The following FBXW2 variants were observed in gnomAD, a reference collection of about 807,000 sequenced individuals.
FBXW2 encodes the protein F-box and WD repeat domain containing 2.
Under a neutral mutation model 46.0 loss-of-function variants are expected in FBXW2, and 12 were observed. The observed-to-expected ratio is 0.26, with a 90% CI of 0.17 to 0.42. The LOEUF (loss-of-function observed/expected upper bound fraction) is 0.42. Among genes scored for constraint, FBXW2 ranks in the 10% least tolerant of loss-of-function variants. The probability of loss-of-function intolerance (pLI) is 1.00; values close to 1 mark genes in which losing one functional copy is unlikely to be tolerated. For synonymous variants in FBXW2, 203 were observed against 209.6 expected (o/e 0.97, Z 0.27); for missense variants, 360 against 537.0 (o/e 0.67, Z 3.26).
chr9:120,778,486 T>C lies in FBXW2; in HGVS notation c.550A>G (p.Ile184Val), dbSNP rs201816803. ...ACCGCTGCACAAGTGTGGGTCTGGA[T>C]GCCATAAACGCACTGCCCTGTGCTC... ...DVSTGQCVYG[I>V]QTHTCAAVKF... The change falls in exon 4 of 8, where the codon ATC becomes GTC. Residue 184 changes from isoleucine (I) to valine (V), a missense_variant. Physicochemically the swap from Ile to Val is conservative, Grantham distance 29 (BLOSUM62 3). Coordinates refer to ENST00000608872, the MANE Select transcript of FBXW2 (RefSeq NM_012164.4). 2,059 of 1,614,140 alleles carry C rather than the reference T, an allele frequency of 1.3e-3. 3 individuals are homozygous for C. The highest frequency in any genetic ancestry group is 1.6e-3 in the Non-Finnish European group (1,931 of 1,180,032).
intron 7 of FBXW2, among the ~76,000 whole-genome samples, chr9:120,767,102 G>A (rs1455636236): frequency 1.3e-5 from 2 of 152,056 alleles, no homozygotes. Context: ...TCTCTTTCTT[G>A]AAGAAGAAAT....
chr9:120,763,644 G>C lies in FBXW2; in HGVS notation c.*915C>G, dbSNP rs2044227597. 6.6e-6 allele frequency: 1 copy of C among 152,140 alleles called. No individual in the cohort carries two copies. Among genetic ancestry groups the C allele is most frequent in the Admixed American group, 6.5e-5 (1 of 15,276 alleles). 9.4% of individuals were successfully genotyped at this position (152,140 alleles called of 1,614,324 possible). Reference sequence around the variant, plus strand: ...TATTATCCGACCTGAAAGAAACCATGAATCAGGGATCAGACAAAAATACAT... The same window carrying C: ...TATTATCCGACCTGAAAGAAACCATCAATCAGGGATCAGACAAAAATACAT... On this transcript the variant is annotated 3_prime_UTR_variant, in exon 8 of 8. Coordinates refer to ENST00000608872, the MANE Select transcript of FBXW2 (RefSeq NM_012164.4).
chr9:120,792,501 T>C (rs1156594031), intron 2 of FBXW2: 1 of 155,858 alleles, frequency 6.4e-6, no homozygotes, highest in African/African-American at 2.4e-5. Context: ...GGGGTCCCTT[T>C]TTATTGTATA....
intron 5 of FBXW2, among the ~76,000 whole-genome samples, chr9:120,773,866 C>G (rs2044432328): frequency 6.6e-6 from 1 of 152,208 alleles, no homozygotes; most frequent in South Asian, 2.1e-4. Flanking sequence ...CAACACCAAA[C>G]TGCCTTACAC....
chr9:120,774,077 T>C (rs1463602833), intron 5 of FBXW2, among the ~76,000 whole-genome samples: 1 of 151,958 alleles, frequency 6.6e-6, no homozygotes, highest in South Asian at 2.1e-4. Context: ...GGCTCACGCC[T>C]GTAATCTCAG....
At chr9:120,775,856 C>T (rs749247595) in intron 5 of FBXW2, among the ~76,000 whole-genome samples, 26 of 152,088 alleles carry the variant, frequency 1.7e-4, no homozygotes, top group Non-Finnish European at 2.8e-4. Context: ...GTTTTATTTG[C>T]CCCCTCTATC....
intron 6 of FBXW2, 152 bp from the exon 7 acceptor site, chr9:120,771,669 T>G (rs927833377): frequency 1.2e-5 from 8 of 644,492 alleles, no homozygotes; most frequent in African/African-American, 1.8e-5. Context: ...GGTTCAAGTC[T>G]TAATTCTCCT....
At position 120,787,996 on chromosome 9, in the gene FBXW2, T is replaced by C. The variant is rs2044759243; in HGVS notation, c.263A>G (p.Asn88Ser). Residue 88 changes from asparagine (N) to serine (S), a missense_variant, in exon 3 of 8, where the codon AAT (asparagine) becomes AGT (serine). Transcript: ENST00000608872. ...LTCCLVSKQW[N>S]KVISACTEVW... ...CTCTGTACAGGCACTTATCACCTTA[T>C]TCCACTGTTTAGAGACGAGGCAGCA... 4.3e-6 allele frequency: 7 copies of C among 1,614,200 alleles called. No homozygotes were observed. The Middle Eastern group carries it at 4.9e-4, about 114-fold the overall frequency.
intron 7 of FBXW2, among the ~76,000 whole-genome samples, chr9:120,767,843 G>C (rs1463377065): frequency 6.6e-6 from 1 of 152,072 alleles, no homozygotes; most frequent in Non-Finnish European, 1.5e-5. Context: ...TTGATTTTAT[G>C]CCCTAAATTT....
At chr9:120,789,025 A>G (rs2044779455) in intron 2 of FBXW2, among the ~76,000 whole-genome samples, 1 of 152,196 alleles carries the variant, frequency 6.6e-6, no homozygotes, top group East Asian at 1.9e-4. Context: ...CGTGCCCCCG[A>G]GAGCCATGAG....
chr9:120,767,565 TCTA>T (rs1184733413), intron 7 of FBXW2, among the ~76,000 whole-genome samples: 1 of 152,228 alleles, frequency 6.6e-6, no homozygotes, highest in Non-Finnish European at 1.5e-5. Flanking sequence ...TCCATCATTT[TCTA>T]CTTAGATGAC....
rs768805400 is a variant in FBXW2, at chr9:120,778,367, C to T, written c.669G>A (p.Arg223=). 1 of 1,613,346 alleles carries T rather than the reference C, an allele frequency of 6.2e-7. No individual in the cohort carries two copies. Among genetic ancestry groups the T allele is most frequent in the Non-Finnish European group, 8.5e-7 (1 of 1,179,946 alleles). The change falls in exon 4 of 8, where the codon CGG becomes CGA. Residue 223 remains arginine (R), a synonymous_variant. Coordinates refer to ENST00000608872, the MANE Select transcript of FBXW2 (RefSeq NM_012164.4). ...WSSGARTQHF[R]GHTGAVFSVD... is the part of the protein sequence containing the mutation. Reference sequence around the variant, plus strand: ...GCAACCCACCCGCCCCCGTGTGCCCCCGAAAGTGCTGGGTCCTGGCTCCGG... The same window carrying T: ...GCAACCCACCCGCCCCCGTGTGCCCTCGAAAGTGCTGGGTCCTGGCTCCGG...
At chr9:120,785,302 A>T (rs2044697890) in intron 3 of FBXW2, among the ~76,000 whole-genome samples, 1 of 152,096 alleles carries the variant, frequency 6.6e-6, no homozygotes, top group South Asian at 2.1e-4. Context: ...GAGCCCCCTC[A>T]TTTGGTCAAC....
Position 120,761,868 on chromosome 9 carries a change from A to T in FBXW2, c.*2691T>A, listed in dbSNP as rs1280443295. The T allele has an allele frequency of 1.3e-5, 2 of 152,094 alleles. No homozygotes were observed. Among genetic ancestry groups the T allele is most frequent in the Non-Finnish European group, 2.9e-5 (2 of 68,018 alleles). The allele number at this position is 152,094 out of a possible 1,614,324, so 9.4% of individuals were successfully genotyped here. A position where few individuals can be genotyped will look rare whatever the true frequency, so the allele number is the denominator to read the frequency against. On this transcript the variant is annotated 3_prime_UTR_variant, in exon 8 of 8. Coordinates refer to ENST00000608872, the MANE Select transcript of FBXW2 (RefSeq NM_012164.4). Reference sequence around the variant, plus strand: ...CACCTTGATGACTTCTGTATTCACCACTAAAAACTGAAATAGAACATACTA... The same window carrying T: ...CACCTTGATGACTTCTGTATTCACCTCTAAAAACTGAAATAGAACATACTA...
intron 7 of FBXW2, 133 bp downstream of exon 7, chr9:120,771,215 G>T: frequency 2.7e-6 from 2 of 732,028 alleles, no homozygotes; most frequent in Non-Finnish European, 4.4e-6. Flanking sequence ...ATATAACCCT[G>T]TTTACAAGTG....
chr9:120,783,761 A>G (rs1194919303), intron 3 of FBXW2, among the ~76,000 whole-genome samples: 1 of 152,236 alleles, frequency 6.6e-6, no homozygotes, highest in Admixed American at 6.5e-5. Context: ...ATAAGTAAAT[A>G]TCTACTGAAC....
rs1042833360 is a variant in FBXW2, at chr9:120,768,419, C to T, written c.1076+2929G>A. On this transcript the variant is annotated intron_variant, in intron 7 of 7. Coordinates refer to ENST00000608872, the MANE Select transcript of FBXW2 (RefSeq NM_012164.4). Reference sequence around the variant, plus strand: ...AGTTTGGTAAGTACTTCTGCTGTTTCCCAATGCATACCACAATGCCTGACA... The same window carrying T: ...AGTTTGGTAAGTACTTCTGCTGTTTTCCAATGCATACCACAATGCCTGACA... Among the ~76,000 whole-genome samples the T allele has an allele frequency of 1.3e-4, 20 of 152,196 alleles. 1 individual carries two copies. The highest frequency in any genetic ancestry group is 1.1e-3 in the Admixed American group (17 of 15,278).
chr9:120,780,036 G>A (rs2044577173), intron 3 of FBXW2, among the ~76,000 whole-genome samples: 1 of 151,690 alleles, frequency 6.6e-6, no homozygotes, highest in African/African-American at 2.4e-5. Flanking sequence ...TACTCGGAAG[G>A]CTGAGGCATG....
At chr9:120,787,131 C>T (rs1041148847) in intron 3 of FBXW2, among the ~76,000 whole-genome samples, 2 of 152,308 alleles carry the variant, frequency 1.3e-5, no homozygotes, top group South Asian at 4.1e-4. Flanking sequence ...CGGGTTCAAG[C>T]GATTCTCCTG....
Sources: gnomAD v4.1 joint callset for allele counts (sites outside exome capture counted in the v4.1 genomes callset) on GRCh38, gnomAD v4.1.1 for gene constraint, MANE v1.5 for transcripts, NCBI Gene and HGNC (gene_info 2026-07-23, HGNC 2026-07-21) for gene names.